UNC13C: variants seen among roughly 807,000 people sequenced by gnomAD.
UNC13C encodes the protein unc-13 homolog C.
UNC13C carries 174 observed loss-of-function variants against 245.4 expected under a neutral mutation model. The observed-to-expected ratio is 0.71, with a 90% CI of 0.63 to 0.80. The LOEUF is 0.80. Among genes scored for constraint, UNC13C ranks in the 30% least tolerant of loss-of-function variants. UNC13C has a pLI of 0.00. For synonymous variants in UNC13C, 992 were observed against 895.1 expected (o/e 1.11, Z -1.93); for missense variants, 2,829 against 2,602.9 (o/e 1.09, Z -1.89).
intron 24 of UNC13C, among the ~76,000 whole-genome samples, chr15:54,515,535 A>T (rs1334379287): frequency 1.3e-5 from 2 of 152,234 alleles, no homozygotes; most frequent in African/African-American, 2.4e-5. Context: ...ATACAGGTAT[A>T]TGAAAAAATC....
intron 10 of UNC13C, among the ~76,000 whole-genome samples, chr15:54,278,683 C>G (rs2036898337): frequency 6.6e-6 from 1 of 152,114 alleles, no homozygotes; most frequent in Non-Finnish European, 1.5e-5. Context: ...CTTATACTTG[C>G]AAAGCACATA....
chr15:53,866,620 G>T, the UNC13C span, among the ~76,000 whole-genome samples: 2 of 152,164 alleles, frequency 1.3e-5, no homozygotes, highest in Non-Finnish European at 2.9e-5. Context: ...TGACCCGCAG[G>T]CACCAGATCC....
chr15:54,073,506 A>G (rs1039435918), intron 2 of UNC13C, among the ~76,000 whole-genome samples: 2 of 152,200 alleles, frequency 1.3e-5, no homozygotes, highest in African/African-American at 4.8e-5. Context: ...CAACAGTGTA[A>G]AAGTGTTACC....
chr15:54,423,265 G>A lies in UNC13C; in HGVS notation c.4933+8198G>A, dbSNP rs149583036. Among the ~76,000 whole-genome samples the A allele has an allele frequency of 5.6e-3, 851 of 151,720 alleles. 9 individuals are homozygous for A. Among genetic ancestry groups the A allele is most frequent in the African/African-American group, 0.019 (806 of 41,452 alleles). On this transcript the variant is annotated intron_variant, in intron 19 of 32. Coordinates refer to ENST00000260323, the MANE Select transcript of UNC13C (RefSeq NM_001080534.3). ...CTTAAAAATAAGCTTCATAGAGTAT[G>A]AAACTTTGTAATTTCATTTAAAATT...
intron 19 of UNC13C, among the ~76,000 whole-genome samples, chr15:54,490,698 C>T (rs1267990637): frequency 6.6e-6 from 1 of 150,978 alleles, no homozygotes; most frequent in Non-Finnish European, 1.5e-5. Flanking sequence ...ATTCAACATT[C>T]ACCCAGACTT....
At position 54,094,288 on chromosome 15, in the gene UNC13C, G is replaced by A. The variant is rs28460547; in HGVS notation, c.2984-48730G>A. On this transcript the variant is annotated intron_variant, in intron 2 of 32. Coordinates refer to ENST00000260323, the MANE Select transcript of UNC13C (RefSeq NM_001080534.3). ...ACATGGTAGTTTGACAGCACTCCCA[G>A]CCTCTCCTGACTCCCTTCTTATTTT... Among the ~76,000 whole-genome samples the A allele has an allele frequency of 4.3e-3, 651 of 152,268 alleles. 6 individuals carry two copies. The highest frequency in any genetic ancestry group is 0.015 in the African/African-American group (628 of 41,576).
At chr15:53,853,953 A>G in the UNC13C span, among the ~76,000 whole-genome samples, 1 of 151,876 alleles carries the variant, frequency 6.6e-6, no homozygotes, top group Non-Finnish European at 1.5e-5. Flanking sequence ...TTGTCTGTTC[A>G]CTCAGATTAT....
At chr15:54,248,345 A>C (rs1301749805) in intron 7 of UNC13C, among the ~76,000 whole-genome samples, 3 of 152,160 alleles carry the variant, frequency 2.0e-5, no homozygotes, top group Non-Finnish European at 2.9e-5. Context: ...ACAGCCCCTC[A>C]GCCCAGTTAG....
intron 1 of UNC13C, among the ~76,000 whole-genome samples, chr15:54,001,958 A>C (rs994811665): frequency 6.6e-6 from 1 of 152,240 alleles, no homozygotes; most frequent in African/African-American, 2.4e-5. Context: ...CCACTTGAAC[A>C]GTATGATGCG....
At chr15:54,405,899 A>G (rs565706131) in intron 18 of UNC13C, among the ~76,000 whole-genome samples, 1 of 152,296 alleles carries the variant, frequency 6.6e-6, no homozygotes, top group East Asian at 1.9e-4. Flanking sequence ...GTATGGAGAG[A>G]AAAAATTATA....
At chr15:54,289,501 T>C (rs1027483283) in intron 10 of UNC13C, among the ~76,000 whole-genome samples, 2 of 152,234 alleles carry the variant, frequency 1.3e-5, no homozygotes, top group South Asian at 2.1e-4. Flanking sequence ...TCTATGTTTT[T>C]AGACTCTGTT....
chr15:53,875,876 A>G, the UNC13C span, among the ~76,000 whole-genome samples: 1 of 152,182 alleles, frequency 6.6e-6, no homozygotes, highest in Non-Finnish European at 1.5e-5. Flanking sequence ...AGACACTGCA[A>G]GAAGAGTTGT....
At chr15:54,270,163 A>G (rs1014346816) in intron 10 of UNC13C, among the ~76,000 whole-genome samples, 2 of 152,194 alleles carry the variant, frequency 1.3e-5, no homozygotes, top group Admixed American at 6.5e-5. Context: ...TATCATAAAA[A>G]TGGCATGAGA....
At chr15:54,623,742 C>A in intron 31 of UNC13C, 53 bp from the exon 32 acceptor site, 1 of 1,526,284 alleles carries the variant, frequency 6.6e-7, no homozygotes, top group Non-Finnish European at 8.9e-7. Context: ...TAAAATTTCA[C>A]TCTAAATTTC....
Position 54,014,828 on chromosome 15 carries a change from A to G in UNC13C, c.1925A>G (p.His642Arg), listed in dbSNP as rs916758345. ...GTGTGTGCATCTGGAGACCGGAGTC[A>G]TTACAGTGATTCTCAGCTCTCTTTA... ...GMVCASGDRS[H>R]YSDSQLSLHE... The change falls in exon 2 of 33, where the codon CAT becomes CGT. Residue 642 changes from histidine (H) to arginine (R), a missense_variant. Coordinates refer to ENST00000260323, the MANE Select transcript of UNC13C (RefSeq NM_001080534.3). The G allele has an allele frequency of 1.2e-5, 19 of 1,613,792 alleles. No homozygotes were observed. The highest frequency in any genetic ancestry group is 1.5e-5 in the Non-Finnish European group (18 of 1,179,854).
chr15:54,361,595 G>C (rs1303011253), intron 17 of UNC13C, among the ~76,000 whole-genome samples: 1 of 152,178 alleles, frequency 6.6e-6, no homozygotes, highest in Non-Finnish European at 1.5e-5. Flanking sequence ...TTTGAGAAGA[G>C]AATCACCTTG....
the UNC13C span, among the ~76,000 whole-genome samples, chr15:53,896,534 T>C: frequency 2.0e-5 from 3 of 152,150 alleles, no homozygotes; most frequent in Admixed American, 2.0e-4. Flanking sequence ...ATTATCATAA[T>C]AATACATGGG....
At chr15:53,888,567 G>A in the UNC13C span, among the ~76,000 whole-genome samples, 1 of 152,154 alleles carries the variant, frequency 6.6e-6, no homozygotes, top group Non-Finnish European at 1.5e-5. Context: ...GATCCCATTT[G>A]TCAATTTTGG....
the UNC13C span, among the ~76,000 whole-genome samples, chr15:53,952,979 G>GGA: frequency 6.6e-6 from 1 of 152,142 alleles, no homozygotes; most frequent in African/African-American, 2.4e-5. Flanking sequence ...TTGTACTTAT[G>GGA]TGAAGTGTAC....
Sources: gnomAD v4.1 joint callset for allele counts (sites outside exome capture counted in the v4.1 genomes callset) on GRCh38, gnomAD v4.1.1 for gene constraint, MANE v1.5 for transcripts, NCBI Gene and HGNC (gene_info 2026-07-23, HGNC 2026-07-21) for gene names.